Variants in CTNNB1 observed in about 807,000 individuals in gnomAD.
CTNNB1 encodes the protein catenin beta 1.
Under a neutral mutation model 82.5 loss-of-function variants are expected in CTNNB1, and 6 were observed. That is an observed-to-expected ratio of 0.07 (90% CI 0.04 to 0.14). CTNNB1 has a LOEUF of 0.14. Among genes scored for constraint, CTNNB1 ranks in the 10% least tolerant of loss-of-function variants. CTNNB1 has a pLI of 1.00. For missense variants in CTNNB1, 529 were observed against 980.4 expected (o/e 0.54, Z 6.15); for synonymous variants, 312 against 329.7 (o/e 0.95, Z 0.58).
intron 7 of CTNNB1, among the ~76,000 whole-genome samples, chr3:41,231,744 A>C (rs2078315016): frequency 1.3e-5 from 2 of 152,230 alleles, no homozygotes; most frequent in African/African-American, 4.8e-5. Flanking sequence ...CAAAAGCTAG[A>C]AGACCAGACT....
chr3:41,202,455 C>G (rs1045532343), intron 1 of CTNNB1, among the ~76,000 whole-genome samples: 4 of 152,128 alleles, frequency 2.6e-5, no homozygotes, highest in Non-Finnish European at 4.4e-5. Flanking sequence ...TATGTGTTAA[C>G]TTAGTTTTCT....
At chr3:41,232,781 G>A (rs574082552) in intron 7 of CTNNB1, among the ~76,000 whole-genome samples, 1 of 152,052 alleles carries the variant, frequency 6.6e-6, no homozygotes, top group South Asian at 2.1e-4. Context: ...GCTTCTTTAG[G>A]TCTTTAGTCA....
At chr3:41,209,814 A>T (rs1575290733) in intron 1 of CTNNB1, among the ~76,000 whole-genome samples, 1 of 152,218 alleles carries the variant, frequency 6.6e-6, no homozygotes, top group African/African-American at 2.4e-5. Flanking sequence ...GTTGTGATGA[A>T]TGGAGCTTGC....
intron 1 of CTNNB1, among the ~76,000 whole-genome samples, chr3:41,216,139 G>A (rs1022593966): frequency 2.0e-5 from 3 of 152,188 alleles, no homozygotes; most frequent in African/African-American, 7.2e-5. Context: ...CTGCTAATCA[G>A]TTTTCTTGTG....
intron 1 of CTNNB1, among the ~76,000 whole-genome samples, chr3:41,219,259 A>G (rs2077986548): frequency 6.6e-6 from 1 of 152,154 alleles, no homozygotes; most frequent in African/African-American, 2.4e-5. Flanking sequence ...CCCCTGAAGT[A>G]CCAGTATTTA....
At chr3:41,233,985 T>C (rs756827640) in intron 9 of CTNNB1, 118 bp downstream of exon 9, 1 of 1,422,528 alleles carries the variant, frequency 7.0e-7, no homozygotes, top group South Asian at 1.2e-5. Flanking sequence ...CCTTAGTAAG[T>C]AGGAAGTATG....
At chr3:41,236,874 T>A in intron 13 of CTNNB1, 165 bp downstream of exon 13, 1 of 802,752 alleles carries the variant, frequency 1.2e-6, no homozygotes, top group Non-Finnish European at 2.1e-6. Flanking sequence ...GGAAGAACTA[T>A]AATACAAGCT....
At chr3:41,227,923 C>T (rs1290232496) in intron 7 of CTNNB1, among the ~76,000 whole-genome samples, 1 of 152,042 alleles carries the variant, frequency 6.6e-6, no homozygotes, top group African/African-American at 2.4e-5. Flanking sequence ...CTTCTTTGTG[C>T]CCGTGTGTAC....
chr3:41,234,211 A>G lies in CTNNB1; in HGVS notation c.1597A>G (p.Ile533Val), dbSNP rs587778220. Residue 533 changes from isoleucine (I) to valine (V), a missense_variant, in exon 10 of 15, where the codon ATT becomes GTT. Physicochemically the swap from Ile to Val is conservative, Grantham distance 29 (BLOSUM62 3). This residue lies in a region of CTNNB1 where 411 missense variants were observed against 776.4 expected (regional missense o/e 0.53). Transcript: ENST00000349496. The stretch of plus-strand genomic sequence containing the variant: ...TGCACCTTTGCGTGAGCAGGGTGCC[A>G]TTCCACGACTAGTTCAGTTGCTTGT... ...NHAPLREQGA[I>V]PRLVQLLVRA... 6.2e-7 allele frequency: 1 copy of G among 1,614,200 alleles called. No individual in the cohort carries two copies. The highest frequency in any genetic ancestry group is 8.5e-7 in the Non-Finnish European group (1 of 1,180,036).
At position 41,225,731 on chromosome 3, in the gene CTNNB1, C is replaced by G. The variant is rs1392093769; in HGVS notation, c.806C>G (p.Ala269Gly). The change falls in exon 6 of 15, where the codon GCT becomes GGT. Residue 269 changes from alanine (A) to glycine (G), a missense_variant. Coordinates refer to ENST00000349496, the MANE Select transcript of CTNNB1 (RefSeq NM_001904.4). This position sits in a 1 kb window ranked among gnomAD's most constrained non-coding sequence, Gnocchi z 5.3. ...AACCTTTTATTACATCAAGAAGGAG[C>G]TAAAATGGCAGTGCGTTTAGCTGGT... is the stretch of plus-strand genomic sequence containing the variant. ...LHNLLLHQEG[A>G]KMAVRLAGGL... 1.2e-6 allele frequency: 2 copies of G among 1,613,992 alleles called. No homozygotes were observed. The highest frequency in any genetic ancestry group is 1.7e-6 in the Non-Finnish European group (2 of 1,180,000).
intron 14 of CTNNB1, among the ~76,000 whole-genome samples, chr3:41,238,700 T>C (rs2125651943): frequency 6.6e-6 from 1 of 152,310 alleles, no homozygotes; most frequent in South Asian, 2.1e-4. Context: ...TTTGTGGGTG[T>C]CACTTGGCCT....
At chr3:41,208,496 T>C (rs1204906442) in intron 1 of CTNNB1, among the ~76,000 whole-genome samples, 3 of 152,186 alleles carry the variant, frequency 2.0e-5, no homozygotes, top group Non-Finnish European at 2.9e-5. Context: ...TTCTAATTCC[T>C]CTAGTAAATA....
At chr3:41,201,382 A>C (rs1157495206) in intron 1 of CTNNB1, among the ~76,000 whole-genome samples, 1 of 152,162 alleles carries the variant, frequency 6.6e-6, no homozygotes, top group Non-Finnish European at 1.5e-5. Flanking sequence ...AGGTTTGAGG[A>C]TGTCCTTTCA....
intron 7 of CTNNB1, among the ~76,000 whole-genome samples, chr3:41,228,722 C>T (rs986633887): frequency 5.3e-5 from 8 of 152,184 alleles, no homozygotes; most frequent in Non-Finnish European, 1.2e-4. Context: ...TGCGCAGAAG[C>T]TCTTTATACT....
rs1334749796 is a variant in CTNNB1, at chr3:41,233,399, C to T, written c.1140C>T (p.Asn380=). ...LTDPSQRLVQ[N]CLWTLRNLSD... ...ATCCAAGTCAACGTCTTGTTCAGAA[C>T]TGTCTTTGGACTCTCAGGAATCTTT... Residue 380 remains asparagine (N), a synonymous_variant, in exon 8 of 15, where the codon AAC becomes AAT. Transcript: ENST00000349496. 1.2e-6 allele frequency: 2 copies of T among 1,614,212 alleles called. No individual in the cohort carries two copies. Among genetic ancestry groups the T allele is most frequent in the South Asian group, 2.2e-5 (2 of 91,090 alleles).
chr3:41,234,267 G>A lies in CTNNB1; in HGVS notation c.1653G>A (p.Thr551=), dbSNP rs138539284. 127 of 1,614,182 alleles carry A rather than the reference G, an allele frequency of 7.9e-5. 1 individual carries two copies. In the East Asian group the frequency reaches 1.8e-3, roughly 23 times the overall value. Residue 551 remains threonine, a synonymous_variant, in exon 10 of 15, where the codon ACG becomes ACA. Coordinates refer to ENST00000349496, the MANE Select transcript of CTNNB1 (RefSeq NM_001904.4). ...CACATCAGGATACCCAGCGCCGTAC[G>A]TCCATGGGTGGGACACAGCAGCAAT... ...VRAHQDTQRR[T]SMGGTQQQFV...
chr3:41,220,612 C>A (rs987318564), intron 1 of CTNNB1: 1 of 152,112 alleles, frequency 6.6e-6, no homozygotes, highest in Non-Finnish European at 1.5e-5. Flanking sequence ...TTTAGATTTA[C>A]AAATTTTACT....
rs2125640819 is a variant in CTNNB1 at position 41,233,846 on chromosome 3, A to G, written c.1503A>G (p.Pro501=). The G allele has an allele frequency of 1.2e-6, 2 of 1,614,110 alleles. No homozygotes were observed. The highest frequency in any genetic ancestry group is 1.7e-6 in the Non-Finnish European group (2 of 1,179,998). ...LPVVVKLLHP[P]SHWPLIKATV... ...TTGTGGTTAAGCTCTTACACCCACC[A>G]TCCCACTGGCCTCTGATAAAGGTAA... is the stretch of plus-strand genomic sequence containing the variant. The change falls in exon 9 of 15, where the codon CCA becomes CCG. Residue 501 remains proline (P), a synonymous_variant. Coordinates refer to ENST00000349496, the MANE Select transcript of CTNNB1 (RefSeq NM_001904.4).
At position 41,239,376 on chromosome 3, in the gene CTNNB1, G is replaced by C. The variant is rs772282897; in HGVS notation, c.*34G>C. On this transcript the variant is annotated 3_prime_UTR_variant, in exon 15 of 15. Coordinates refer to ENST00000349496, the MANE Select transcript of CTNNB1 (RefSeq NM_001904.4). ...TTAGGTAAGAAGTTTTAAAAAGCCAGTTTGGGTAAAATACTTTTACTCTGC... is the reference window on the plus strand; with the variant it reads ...TTAGGTAAGAAGTTTTAAAAAGCCACTTTGGGTAAAATACTTTTACTCTGC... 1.9e-6 allele frequency: 3 copies of C among 1,587,714 alleles called. No individual in the cohort carries two copies. Among genetic ancestry groups the C allele is most frequent in the Non-Finnish European group, 2.6e-6 (3 of 1,161,344 alleles).
Sources: gnomAD v4.1 joint callset for allele counts (sites outside exome capture counted in the v4.1 genomes callset) on GRCh38, gnomAD v4.1.1 for gene constraint, gnomAD v4.1.1 regional missense constraint, Gnocchi (gnomAD v3.1) non-coding constraint, MANE v1.5 for transcripts, NCBI Gene and HGNC (gene_info 2026-07-23, HGNC 2026-07-21) for gene names.